The following ZFHX3 variants were observed in gnomAD, a reference collection of about 807,000 sequenced individuals.
ZFHX3 encodes zinc finger homeobox 3.
ZFHX3 carries 42 observed loss-of-function variants against 279.1 expected under a neutral mutation model. That is an observed-to-expected ratio of 0.15 (90% CI 0.12 to 0.19). ZFHX3 has a LOEUF of 0.19. Among genes scored for constraint, ZFHX3 ranks in the 10% least tolerant of loss-of-function variants. ZFHX3 has a pLI of 1.00. For missense variants in ZFHX3, 4,981 were observed against 4,754.0 expected, an observed-to-expected ratio of 1.05 and a Z score of -1.40; for synonymous variants, 2,293 against 1,957.8, an observed-to-expected ratio of 1.17 and a Z score of -4.52.
At chr16:73,479,465 C>G (rs1404650958) in intron 2 of ZFHX3, among the ~76,000 whole-genome samples, 3 of 152,192 alleles carry the variant, frequency 2.0e-5, no homozygotes, top group Non-Finnish European at 4.4e-5. Flanking sequence ...CATCCAGCTA[C>G]TTCTGCCCTT....
At chr16:72,834,856 C>T (rs1372839755) in intron 4 of ZFHX3, among the ~76,000 whole-genome samples, 4 of 151,980 alleles carry the variant, frequency 2.6e-5, no homozygotes, top group East Asian at 3.9e-4. Context: ...GGCCAAGTGA[C>T]GTGTCCACGG....
chr16:72,829,478 C>T, intron 5 of ZFHX3: 1 of 337,784 alleles, frequency 3.0e-6, no homozygotes, highest in Non-Finnish European at 5.4e-6. Flanking sequence ...GTGACCAACA[C>T]CCAGATGCCC....
intron 2 of ZFHX3, among the ~76,000 whole-genome samples, chr16:73,624,660 A>G (rs1291782619): frequency 6.6e-6 from 1 of 151,854 alleles, no homozygotes; most frequent in East Asian, 1.9e-4. Context: ...AAAAGGAAAG[A>G]AAGAAAGCAG....
At chr16:73,375,525 C>G (rs9935096) in intron 3 of ZFHX3, among the ~76,000 whole-genome samples, 1,774 of 152,276 alleles carry the variant, frequency 0.012, 44 homozygotes, top group African/African-American at 0.041. Context: ...TGTAGACACA[C>G]ACACACTCCA....
At chr16:73,172,280 C>T (rs942962579) in intron 5 of ZFHX3, among the ~76,000 whole-genome samples, 2 of 152,224 alleles carry the variant, frequency 1.3e-5, no homozygotes, top group Non-Finnish European at 1.5e-5. Context: ...TGTAATCTGG[C>T]CCTGAAACTG....
chr16:72,856,450 T>C (rs2037757946), intron 4 of ZFHX3, among the ~76,000 whole-genome samples: 2 of 152,228 alleles, frequency 1.3e-5, no homozygotes, highest in Admixed American at 1.3e-4. Flanking sequence ...GCTAGCTTAC[T>C]CTGTGCCTCT....
At chr16:73,213,259 T>C (rs762221442) in intron 5 of ZFHX3, among the ~76,000 whole-genome samples, 4 of 152,212 alleles carry the variant, frequency 2.6e-5, no homozygotes, top group Non-Finnish European at 5.9e-5. Flanking sequence ...TTTTATTGTG[T>C]GCAATGACTT....
chr16:73,714,295 A>G (rs2142230152), intron 1 of ZFHX3, among the ~76,000 whole-genome samples: 1 of 152,182 alleles, frequency 6.6e-6, no homozygotes, highest in South Asian at 2.1e-4. Flanking sequence ...GCTCTCCCCC[A>G]TCTTTAGGAA....
At chr16:72,995,033 C>G (rs961640616) in intron 1 of ZFHX3, among the ~76,000 whole-genome samples, 1 of 152,154 alleles carries the variant, frequency 6.6e-6, no homozygotes, top group Non-Finnish European at 1.5e-5. Flanking sequence ...GTAATCTGCT[C>G]CTAACGCCCC....
intron 5 of ZFHX3, among the ~76,000 whole-genome samples, chr16:73,146,933 C>G (rs1252820660): frequency 6.6e-6 from 1 of 152,202 alleles, no homozygotes; most frequent in African/African-American, 2.4e-5. Context: ...GCTAGAATTA[C>G]AGACGTGAGC....
rs374580928 is a variant in ZFHX3, at chr16:72,787,115, T to C, written c.*49A>G. 3.6e-4 allele frequency: 487 copies of C among 1,352,900 alleles called. No individual in the cohort carries two copies. The highest frequency in any genetic ancestry group is 4.1e-4 in the Non-Finnish European group (430 of 1,042,256). 83.8% of individuals were successfully genotyped at this position (1,352,900 alleles called of 1,614,324 possible). A position where few individuals can be genotyped will look rare whatever the true frequency, so the allele number is the denominator to read the frequency against. The stretch of plus-strand genomic sequence containing the variant: ...GTCTATTTTTGAAATTGGTTTGTTA[T>C]TAATTTTTGTATTTAAATTCATTTG... On this transcript the variant is annotated 3_prime_UTR_variant, in exon 10 of 10. Coordinates refer to ENST00000268489, the MANE Select transcript of ZFHX3 (RefSeq NM_006885.4).
chr16:73,200,395 A>G (rs895187053), intron 5 of ZFHX3, among the ~76,000 whole-genome samples: 1 of 152,190 alleles, frequency 6.6e-6, no homozygotes, highest in African/African-American at 2.4e-5. Context: ...TATGGTGAGA[A>G]TGTGATTTAT....
chr16:73,891,221 C>T lies in ZFHX3; in HGVS notation c.-1608+430G>A, dbSNP rs562847912. Among the ~76,000 whole-genome samples the T allele has an allele frequency of 3.9e-5, 6 of 152,202 alleles. No homozygotes were observed. In the East Asian group the frequency reaches 9.7e-4, roughly 25 times the overall value. On this transcript the variant is annotated intron_variant, in intron 1 of 17. Coordinates refer to the ZFHX3 transcript ENST00000641206. ...CTGCCTCCCAGCCCCACAGCATTCCCTCCAATCCCCACCTCTCCCCCCAGC... is the reference window on the plus strand; with the variant it reads ...CTGCCTCCCAGCCCCACAGCATTCCTTCCAATCCCCACCTCTCCCCCCAGC...
chr16:73,396,515 T>C (rs150354423), intron 3 of ZFHX3, among the ~76,000 whole-genome samples: 1 of 152,260 alleles, frequency 6.6e-6, no homozygotes, highest in African/African-American at 2.4e-5. Context: ...GGGTAATTTA[T>C]AAAGGAAAGA....
At chr16:73,720,862 C>T (rs948011844) in intron 1 of ZFHX3, among the ~76,000 whole-genome samples, 1 of 152,254 alleles carries the variant, frequency 6.6e-6, no homozygotes, top group East Asian at 1.9e-4. Flanking sequence ...TCTCCTTGTT[C>T]AGAAAAGAAC....
chr16:72,787,941 T>G lies in ZFHX3; in HGVS notation c.10335A>C (p.Glu3445Asp), dbSNP rs2035507687. 8 of 1,613,714 alleles carry G rather than the reference T, an allele frequency of 5.0e-6. No homozygotes were observed. The highest frequency in any genetic ancestry group is 6.8e-6 in the Non-Finnish European group (8 of 1,179,922). ...LPKLPEEPEA[E>D]SKSADSLYDP... is the part of the protein sequence containing the mutation. ...CGTAGAGGGAGTCCGCACTTTTGCT[T>G]TCTGCTTCTGGCTCTTCAGGGAGTT... The change falls in exon 10 of 10, where the codon GAA becomes GAC. Residue 3445 changes from glutamate to aspartate, a missense_variant. Physicochemically the swap from Glu to Asp is conservative, Grantham distance 45. Transcript: ENST00000268489.
intron 5 of ZFHX3, among the ~76,000 whole-genome samples, chr16:73,223,957 A>T (rs1225272054): frequency 1.3e-5 from 2 of 152,226 alleles, no homozygotes; most frequent in Non-Finnish European, 2.9e-5. Flanking sequence ...TTCTAACTAC[A>T]TGTCATTCTG....
intron 5 of ZFHX3, among the ~76,000 whole-genome samples, chr16:73,255,789 A>G (rs2013646400): frequency 6.6e-6 from 1 of 152,194 alleles, no homozygotes; most frequent in South Asian, 2.1e-4. Context: ...CTGAAATGCC[A>G]CATAATCCTG....
chr16:72,867,720 G>C (rs577904649), intron 4 of ZFHX3, among the ~76,000 whole-genome samples: 24 of 9,096 alleles, frequency 2.6e-3, no homozygotes, highest in African/African-American at 0.013. Flanking sequence ...CTCTTTGACA[G>C]GGGAAAAAAA....
Sources: gnomAD v4.1 joint callset for allele counts (sites outside exome capture counted in the v4.1 genomes callset) on GRCh38, gnomAD v4.1.1 for gene constraint, MANE v1.5 for transcripts, NCBI Gene and HGNC (gene_info 2026-07-23, HGNC 2026-07-21) for gene names.